ZNF469: variants seen among roughly 807,000 people sequenced by gnomAD.
ZNF469 encodes zinc finger protein 469.
In ZNF469, 1 loss-of-function variant was observed where a neutral mutation model predicts 1.0. The observed-to-expected ratio is 1.00, with a 90% CI of 0.35 to 4.73. The LOEUF (loss-of-function observed/expected upper bound fraction) is 4.73, where lower values mean the gene tolerates loss of function less well. Ranked by LOEUF, ZNF469 falls within the 30% of genes most tolerant of loss-of-function variation. ZNF469 has a pLI of 0.16. For synonymous variants in ZNF469, 2,703 were observed against 2,363.4 expected (o/e 1.14, Z -4.17); for missense variants, 6,100 against 5,356.3 (o/e 1.14, Z -4.33).
At chr16:88,143,298 T>C in the ZNF469 span, among the ~76,000 whole-genome samples, 1 of 152,252 alleles carries the variant, frequency 6.6e-6, no homozygotes, top group Admixed American at 6.5e-5. Context: ...ATGGAATAGG[T>C]TAGCGTGCTT....
At chr16:88,163,981 T>C in the ZNF469 span, among the ~76,000 whole-genome samples, 1 of 142,030 alleles carries the variant, frequency 7.0e-6, no homozygotes. Context: ...GGATGAATGA[T>C]TGGGTAGATG....
intron 1 of ZNF469, among the ~76,000 whole-genome samples, chr16:88,397,957 A>T (rs979800175): frequency 6.6e-6 from 1 of 152,204 alleles, no homozygotes; most frequent in Non-Finnish European, 1.5e-5. Flanking sequence ...CCAGGGTCAG[A>T]GGTTCTGCCC....
the ZNF469 span, among the ~76,000 whole-genome samples, chr16:88,319,452 A>C: frequency 6.6e-6 from 1 of 152,116 alleles, no homozygotes; most frequent in Non-Finnish European, 1.5e-5. Flanking sequence ...AGGCAGTCCG[A>C]GGCCTCGGAA....
the ZNF469 span, among the ~76,000 whole-genome samples, chr16:88,323,308 G>A: frequency 3.6e-3 from 554 of 152,290 alleles, 2 homozygotes; most frequent in Non-Finnish European, 6.2e-3. Flanking sequence ...TGACACCCTC[G>A]CAGGCCGCTC....
the ZNF469 span, among the ~76,000 whole-genome samples, chr16:88,310,299 T>TG: frequency 3.9e-5 from 6 of 152,046 alleles, no homozygotes; most frequent in South Asian, 6.3e-4. Flanking sequence ...TTTGGGGAGC[T>TG]GGGGGGTGGG....
upstream of ZNF469, among the ~76,000 whole-genome samples, chr16:88,380,823 C>T (rs1392972103): frequency 8.0e-5 from 12 of 150,468 alleles, no homozygotes; most frequent in African/African-American, 2.2e-4. Context: ...CCCAGACACA[C>T]ACACACACGC....
At chr16:88,288,996 G>A in the ZNF469 span, among the ~76,000 whole-genome samples, 2 of 152,122 alleles carry the variant, frequency 1.3e-5, no homozygotes, top group Admixed American at 1.3e-4. Flanking sequence ...TGGTGATGAT[G>A]GTGGTGGTGA....
the ZNF469 span, among the ~76,000 whole-genome samples, chr16:88,187,816 G>A: frequency 6.6e-6 from 1 of 150,716 alleles, no homozygotes; most frequent in African/African-American, 2.4e-5. Context: ...CCAATGTAAC[G>A]AGTCTCAACT....
the ZNF469 span, among the ~76,000 whole-genome samples, chr16:88,239,649 G>A: frequency 6.7e-4 from 52 of 77,722 alleles, no homozygotes; most frequent in African/African-American, 3.6e-3. Flanking sequence ...CACCACGCCC[G>A]GCTTATTTTT....
chr16:88,102,544 A>G, the ZNF469 span, among the ~76,000 whole-genome samples: 2 of 152,164 alleles, frequency 1.3e-5, no homozygotes, highest in African/African-American at 2.4e-5. Flanking sequence ...AAACAAAAGA[A>G]CATGGGCAGG....
chr16:88,117,649 C>T, the ZNF469 span, among the ~76,000 whole-genome samples: 8 of 143,610 alleles, frequency 5.6e-5, no homozygotes, highest in Middle Eastern at 3.8e-3. Context: ...GAAAGTGCCA[C>T]GTGTCTTCAC....
At chr16:88,410,186 C>T (rs1468911985) in intron 1 of ZNF469, among the ~76,000 whole-genome samples, 2 of 151,340 alleles carry the variant, frequency 1.3e-5, no homozygotes, top group Non-Finnish European at 2.9e-5. Context: ...TTCACGGTGA[C>T]GGCTATGATG....
the ZNF469 span, among the ~76,000 whole-genome samples, chr16:88,165,397 C>T: frequency 6.6e-6 from 1 of 152,152 alleles, no homozygotes; most frequent in Admixed American, 6.5e-5. Context: ...GAGGACATTG[C>T]TGCGGGGTCT....
the ZNF469 span, among the ~76,000 whole-genome samples, chr16:88,297,936 C>G: frequency 1.3e-5 from 2 of 152,196 alleles, no homozygotes; most frequent in African/African-American, 4.8e-5. Flanking sequence ...AACTGCCATC[C>G]TTTGCCTGTG....
chr16:88,108,937 T>G, the ZNF469 span, among the ~76,000 whole-genome samples: 1 of 152,168 alleles, frequency 6.6e-6, no homozygotes, highest in African/African-American at 2.4e-5. Flanking sequence ...GGCAGCCTCA[T>G]GAGTGAGCCT....
chr16:88,186,187 C>T, the ZNF469 span, among the ~76,000 whole-genome samples: 4 of 152,204 alleles, frequency 2.6e-5, no homozygotes, highest in South Asian at 2.1e-4. Flanking sequence ...TGGGTGGGCC[C>T]GGAGACCTTT....
the ZNF469 span, among the ~76,000 whole-genome samples, chr16:88,307,788 G>A: frequency 9.9e-5 from 15 of 152,070 alleles, no homozygotes; most frequent in African/African-American, 3.6e-4. Flanking sequence ...TCATTCTCTG[G>A]GTTACCTTTT....
the ZNF469 span, among the ~76,000 whole-genome samples, chr16:88,186,129 T>A: frequency 6.6e-6 from 1 of 152,184 alleles, no homozygotes; most frequent in Non-Finnish European, 1.5e-5. Context: ...TTGTGGTCCG[T>A]CTTCCTGTGG....
At chr16:88,320,837 T>A in the ZNF469 span, among the ~76,000 whole-genome samples, 1 of 152,158 alleles carries the variant, frequency 6.6e-6, no homozygotes, top group Non-Finnish European at 1.5e-5. Flanking sequence ...AGCCAGTCAA[T>A]GCCGAACCCA....
Sources: allele counts gnomAD v4.1 joint callset (sites outside exome capture counted in the v4.1 genomes callset), GRCh38; gene constraint gnomAD v4.1.1; transcripts MANE v1.5; gene names NCBI Gene and HGNC (gene_info 2026-07-23, HGNC 2026-07-21).